DMGDH: variants seen among roughly 807,000 people sequenced by gnomAD.
The protein encoded by DMGDH is dimethylglycine dehydrogenase, also known as dimethylglycine dehydrogenase, mitochondrial.
DMGDH carries 76 observed loss-of-function variants against 95.2 expected under a neutral mutation model. The observed-to-expected ratio is 0.80, with a 90% confidence interval of 0.66 to 0.97. The LOEUF is 0.97. Ranked by LOEUF, DMGDH falls within the 50% of genes least tolerant of loss-of-function variation. The probability of loss-of-function intolerance (pLI) is 0.00; values close to 1 mark genes in which losing one functional copy is unlikely to be tolerated. For missense variants in DMGDH, 987 were observed against 1,055.0 expected (o/e 0.94, Z 0.89); for synonymous variants, 345 against 377.6 (o/e 0.91, Z 1.00).
chr5:79,026,544 A>G lies in DMGDH; in HGVS notation c.2070T>C (p.Asp690=). The part of the protein sequence containing the change: ...LGWELYHRRE[D]SVALYDAIMN... Reference sequence around the variant, plus strand: ...TGATAGCGTCATACAGCGCCACAGAATCTTCTCTTCTGTGATACAGCTCCC... The same window carrying G: ...TGATAGCGTCATACAGCGCCACAGAGTCTTCTCTTCTGTGATACAGCTCCC... The change falls in exon 13 of 16, where the codon GAT becomes GAC. Residue 690 remains aspartate, a synonymous_variant. Coordinates refer to ENST00000255189, the MANE Select transcript of DMGDH (RefSeq NM_013391.3). 1 of 1,614,108 alleles carries G rather than the reference A, an allele frequency of 6.2e-7. No homozygotes were observed. The highest frequency in any genetic ancestry group is 2.2e-5 in the East Asian group (1 of 44,884).
At position 79,026,548 on chromosome 5, in the gene DMGDH, T is replaced by G; in HGVS notation, c.2066A>C (p.Glu689Ala). The G allele has an allele frequency of 6.2e-7, 1 of 1,614,068 alleles. No individual in the cohort carries two copies. Among genetic ancestry groups the G allele is most frequent in the Non-Finnish European group, 8.5e-7 (1 of 1,180,020 alleles). Residue 689 changes from glutamate to alanine, a missense_variant, in exon 13 of 16, where the codon GAA becomes GCA. Coordinates refer to ENST00000255189, the MANE Select transcript of DMGDH (RefSeq NM_013391.3). ...ELGWELYHRR[E>A]DSVALYDAIM... ...AGCGTCATACAGCGCCACAGAATCT[T>G]CTCTTCTGTGATACAGCTCCCAACC...
At chr5:79,034,473 C>A (rs181807761) in intron 7 of DMGDH, among the ~76,000 whole-genome samples, 1 of 152,290 alleles carries the variant, frequency 6.6e-6, no homozygotes, top group East Asian at 1.9e-4. Flanking sequence ...GTTCTACCCA[C>A]TCAGTCTTGT....
chr5:79,032,918 A>C, intron 8 of DMGDH, 78 bp from the exon 9 acceptor site: 2 of 1,551,252 alleles, frequency 1.3e-6, no homozygotes. Context: ...CAAATATGGA[A>C]ATACAGTACT....
At position 79,051,335 on chromosome 5, in the gene DMGDH, C is replaced by T. The variant is rs751288576; in HGVS notation, c.697G>A (p.Glu233Lys). ...KARSDGTWDV[E>K]TPQGSMRANR... ...GCTCTCATAGACCCCTGTGGTGTTT[C>T]AACGTCCCATGTTCCATCTGACCTG... Residue 233 changes from glutamate (E) to lysine (K), a missense_variant, in exon 5 of 16, where the codon GAA becomes AAA. Glu to Lys is a moderately conservative substitution (Grantham distance 56). Transcript: ENST00000255189. 1.2e-6 allele frequency: 2 copies of T among 1,614,206 alleles called. No homozygotes were observed. The highest frequency in any genetic ancestry group is 1.7e-6 in the Non-Finnish European group (2 of 1,180,034).
intron 7 of DMGDH, 59 bp from the exon 8 acceptor site, chr5:79,033,467 TAATC>T: frequency 6.3e-7 from 1 of 1,589,178 alleles, no homozygotes. Flanking sequence ...AAATGAAACA[TAATC>T]AAACTATTTT....
intron 3 of DMGDH, among the ~76,000 whole-genome samples, chr5:79,054,809 A>G (rs1754974665): frequency 6.6e-6 from 1 of 152,258 alleles, no homozygotes; most frequent in South Asian, 2.1e-4. Flanking sequence ...GACATTTATT[A>G]AAGTCCTTCA....
intron 6 of DMGDH, among the ~76,000 whole-genome samples, chr5:79,042,691 A>C (rs537328201): frequency 6.6e-6 from 1 of 152,332 alleles, no homozygotes; most frequent in East Asian, 1.9e-4. Context: ...TTGAAACAAA[A>C]TCATAAAAGT....
intron 5 of DMGDH, among the ~76,000 whole-genome samples, chr5:79,045,640 C>G (rs1345509697): frequency 1.3e-5 from 2 of 152,010 alleles, no homozygotes; most frequent in African/African-American, 4.8e-5. Context: ...GTTGACTGAC[C>G]ACCATTAGAT....
At chr5:79,016,875 A>C (rs1279294270) in intron 14 of DMGDH, among the ~76,000 whole-genome samples, 2 of 152,238 alleles carry the variant, frequency 1.3e-5, no homozygotes, top group Non-Finnish European at 2.9e-5. Flanking sequence ...GTCCAGAAAT[A>C]GACCTACAAA....
intron 2 of DMGDH, among the ~76,000 whole-genome samples, chr5:79,059,318 T>C (rs112348364): frequency 6.6e-6 from 1 of 152,316 alleles, no homozygotes; most frequent in African/African-American, 2.4e-5. Flanking sequence ...TCAATGGTGG[T>C]ATAGCTGCAG....
intron 5 of DMGDH, 85 bp downstream of exon 5, chr5:79,051,202 T>C (rs929591772): frequency 2.1e-6 from 3 of 1,405,718 alleles, no homozygotes; most frequent in Non-Finnish European, 3.0e-6. Context: ...TTCATGACAA[T>C]GTCCATCGTA....
chr5:79,010,229 A>C (rs575937435), intron 14 of DMGDH, among the ~76,000 whole-genome samples: 21 of 152,338 alleles, frequency 1.4e-4, no homozygotes, highest in African/African-American at 4.8e-4. Flanking sequence ...AAGCACATGT[A>C]AATGAAAGAA....
At chr5:79,067,133 C>T (rs1419567134) in intron 1 of DMGDH, among the ~76,000 whole-genome samples, 1 of 152,162 alleles carries the variant, frequency 6.6e-6, no homozygotes, top group African/African-American at 2.4e-5. Context: ...GCAGGAGGTT[C>T]TTTCAGTTGA....
At chr5:79,031,371 T>C (rs377414334) in intron 9 of DMGDH, among the ~76,000 whole-genome samples, 7 of 152,320 alleles carry the variant, frequency 4.6e-5, no homozygotes, top group African/African-American at 1.4e-4. Context: ...AAAATGGCCC[T>C]AATTAAATCA....
chr5:79,009,756 T>C (rs1753614573), intron 14 of DMGDH, among the ~76,000 whole-genome samples: 1 of 152,192 alleles, frequency 6.6e-6, no homozygotes, highest in Non-Finnish European at 1.5e-5. Flanking sequence ...ACAAGGCTCC[T>C]GACTTAGGAA....
intron 14 of DMGDH, among the ~76,000 whole-genome samples, chr5:79,016,039 C>T (rs1177605510): frequency 1.3e-5 from 2 of 152,128 alleles, no homozygotes; most frequent in East Asian, 1.9e-4. Context: ...GCAAGCCCAT[C>T]TTGGCCAACA....
At chr5:79,054,093 C>T in intron 4 of DMGDH, 91 bp downstream of exon 4, 1 of 1,441,908 alleles carries the variant, frequency 6.9e-7, no homozygotes, top group Non-Finnish European at 9.6e-7. Context: ...AATGTGTGTA[C>T]CAAGTTTTCT....
In DMGDH at chr5:79,069,609, G is replaced by A. The variant is rs1239313820; in HGVS notation, c.12C>T (p.Pro4=). The A allele has an allele frequency of 2.9e-6, 4 of 1,373,828 alleles. No homozygotes were observed. Among genetic ancestry groups the A allele is most frequent in the Admixed American group, 5.7e-5 (2 of 35,164 alleles). 85.1% of individuals were successfully genotyped at this position (1,373,828 alleles called of 1,614,324 possible). A position where few individuals can be genotyped will look rare whatever the true frequency, so the allele number is the denominator to read the frequency against. ...GGAGGCCCCGCAGCAGCTGCGCGCC[G>A]GGACGGAGCATGACTAGGCCGAGGC... MLR[P]GAQLLRGLLL... The change falls in exon 1 of 16, where the codon CCC becomes CCT. Residue 4 remains proline (P), a synonymous_variant. Transcript: ENST00000255189.
In DMGDH at chr5:79,030,047, A is replaced by G. The variant is rs1680174816; in HGVS notation, c.1684-13T>C. On this transcript the variant is annotated splice_polypyrimidine_tract_variant and intron_variant, in intron 10 of 15. Transcript: ENST00000255189. Reference sequence around the variant, plus strand: ...TTGTAAAACCCACCTACATAAAAAAATTAAAAATTACCTTAGGATGAACTA... The same window carrying G: ...TTGTAAAACCCACCTACATAAAAAAGTTAAAAATTACCTTAGGATGAACTA... 1.2e-6 allele frequency: 2 copies of G among 1,609,212 alleles called. No homozygotes were observed. Among genetic ancestry groups the G allele is most frequent in the African/African-American group, 1.3e-5 (1 of 74,626 alleles).
Sources: allele counts gnomAD v4.1 joint callset (sites outside exome capture counted in the v4.1 genomes callset), GRCh38; gene constraint gnomAD v4.1.1; transcripts MANE v1.5; gene names NCBI Gene and HGNC (gene_info 2026-07-23, HGNC 2026-07-21).